The following KLHL22 variants were observed in gnomAD, a reference collection of about 807,000 sequenced individuals.
KLHL22 encodes kelch like family member 22, also known as kelch-like protein 22.
In KLHL22, 18 loss-of-function variants were observed where a neutral mutation model predicts 60.7. The observed-to-expected ratio is 0.30, with a 90% CI of 0.20 to 0.44. The LOEUF (loss-of-function observed/expected upper bound fraction) is 0.44. KLHL22 is among the 20% of genes least tolerant of loss of function. The pLI is 1.00. For synonymous variants in KLHL22, 355 were observed against 354.5 expected, an observed-to-expected ratio of 1.00 and a Z score of -0.01; for missense variants, 596 against 852.3, an observed-to-expected ratio of 0.70 and a Z score of 3.74.
rs1569136357 is a variant in KLHL22, at chr22:20,470,792, ATGGATG to A, written c.393+552_393+557del. 4.9e-5 allele frequency among the ~76,000 whole-genome samples: 7 copies of A among 143,818 alleles called. No homozygotes were observed. In the East Asian group the frequency reaches 5.9e-4, roughly 12 times the overall value. The allele number at this position is 143,818 out of a possible 152,430, so 94.4% of individuals were successfully genotyped here. On this transcript the variant is annotated intron_variant, in intron 3 of 6. Transcript: ENST00000328879. ...CATGCATGGATGGATGGATAGATGG[ATGGATG>A]GATGGATGGATGGATGGATGGATGG...
rs531298402 is a variant in KLHL22, at chr22:20,468,948, G to C, written c.393+2402C>G. ...TGGGATTACAGGCATGAACCTCCAA[G>C]CCTGGCCCAGAAGCCTGATATGTTA... On this transcript the variant is annotated intron_variant, in intron 3 of 6. Transcript: ENST00000328879. Among the ~76,000 whole-genome samples, 6 of 152,272 alleles carry C rather than the reference G, an allele frequency of 3.9e-5. No individual in the cohort carries two copies. In the East Asian group the frequency reaches 9.6e-4, roughly 24 times the overall value.
chr22:20,453,735 T>G (rs2053016841), intron 5 of KLHL22, among the ~76,000 whole-genome samples: 1 of 152,146 alleles, frequency 6.6e-6, no homozygotes, highest in African/African-American at 2.4e-5. Context: ...ATTTTGAAAT[T>G]TATTTTATTA....
chr22:20,493,098 G>T, intron 1 of KLHL22: 2 of 466,282 alleles, frequency 4.3e-6, no homozygotes, highest in Non-Finnish European at 8.9e-6. Context: ...CTCTGAGGGT[G>T]ACCTCCACAA....
Position 20,457,968 on chromosome 22 carries a change from A to G in KLHL22, c.1145T>C (p.Ile382Thr), listed in dbSNP as rs2053090385. Residue 382 changes from isoleucine to threonine, a missense_variant, in exon 5 of 7, where the codon ATC becomes ACC. Ile to Thr is a moderately conservative substitution (Grantham distance 89, BLOSUM62 -1). Coordinates refer to ENST00000328879, the MANE Select transcript of KLHL22 (RefSeq NM_032775.4). ...YDPRHNRWFQ[I>T]QSLQQEHADL... ...GGCGTGCTCCTGCTGCAGGGACTGGATCTGGAACCAGCGGTTGTGCCGTGG... is the reference window on the plus strand; with the variant it reads ...GGCGTGCTCCTGCTGCAGGGACTGGGTCTGGAACCAGCGGTTGTGCCGTGG... The G allele has an allele frequency of 1.9e-6, 3 of 1,614,022 alleles. No homozygotes were observed. Among genetic ancestry groups the G allele is most frequent in the African/African-American group, 2.7e-5 (2 of 74,918 alleles).
chr22:20,454,139 G>A (rs1439651722), intron 5 of KLHL22, among the ~76,000 whole-genome samples: 2 of 152,070 alleles, frequency 1.3e-5, no homozygotes, highest in African/African-American at 4.8e-5. Flanking sequence ...GAACAGCCTG[G>A]GCAATATGGT....
intron 1 of KLHL22, among the ~76,000 whole-genome samples, chr22:20,493,638 C>T (rs187423187): frequency 4.2e-4 from 64 of 151,332 alleles, no homozygotes; most frequent in African/African-American, 1.5e-3. Context: ...AAAAATTAGC[C>T]GGGCATGGTG....
Position 20,446,743 on chromosome 22 carries a change from A to G in KLHL22, c.1306-67T>C, listed in dbSNP as rs2052870492. The G allele has an allele frequency of 2.4e-6, 3 of 1,241,004 alleles. No individual in the cohort carries two copies. In the African/African-American group the frequency reaches 4.4e-5, roughly 18 times the overall value. The allele number at this position is 1,241,004 out of a possible 1,614,324, so 76.9% of individuals were successfully genotyped here. A position where few individuals can be genotyped will look rare whatever the true frequency, so the allele number is the denominator to read the frequency against. On this transcript the variant is annotated intron_variant, in intron 5 of 6. Transcript: ENST00000328879. Reference sequence around the variant, plus strand: ...AGGAAGGGTGGCTGGGTACTCTGTCAAGGCCAATCACCACCCCACACCTGC... The same window carrying G: ...AGGAAGGGTGGCTGGGTACTCTGTCGAGGCCAATCACCACCCCACACCTGC...
chr22:20,447,546 T>TTC (rs2052890189), intron 5 of KLHL22, among the ~76,000 whole-genome samples: 1 of 146,646 alleles, frequency 6.8e-6, no homozygotes, highest in African/African-American at 2.5e-5. Flanking sequence ...AGGTTTTTCT[T>TTC]TTTTTTTTTT....
intron 5 of KLHL22, among the ~76,000 whole-genome samples, chr22:20,447,336 GC>G (rs1422701889): frequency 1.3e-5 from 2 of 152,198 alleles, no homozygotes; most frequent in Admixed American, 1.3e-4. Context: ...CCAAGGCAAG[GC>G]CCTGGGTGTT....
chr22:20,468,445 T>G (rs546384668), intron 3 of KLHL22, among the ~76,000 whole-genome samples: 1 of 152,298 alleles, frequency 6.6e-6, no homozygotes, highest in Non-Finnish European at 1.5e-5. Context: ...GGACTGCATT[T>G]GCTTGGGGTA....
At chr22:20,476,405 ATTTTTTTTT>A (rs57189584) in intron 2 of KLHL22, among the ~76,000 whole-genome samples, 1 of 69,352 alleles carries the variant, frequency 1.4e-5, no homozygotes, top group South Asian at 6.1e-4. Flanking sequence ...ATTGACACAG[ATTTTTTTTT>A]TTTTTTTTTT....
At chr22:20,483,109 C>T (rs2053532197) in intron 2 of KLHL22, 2 of 646,254 alleles carry the variant, frequency 3.1e-6, no homozygotes, top group African/African-American at 1.8e-5. Flanking sequence ...GCTCCATCTA[C>T]AGGGCATAGA....
intron 5 of KLHL22, among the ~76,000 whole-genome samples, chr22:20,448,231 G>A (rs560069497): frequency 1.3e-5 from 2 of 152,186 alleles, no homozygotes; most frequent in East Asian, 1.9e-4. Context: ...TGTACAGGTT[G>A]AGTACCTCCA....
At chr22:20,452,796 G>A (rs2053000577) in intron 5 of KLHL22, among the ~76,000 whole-genome samples, 1 of 152,112 alleles carries the variant, frequency 6.6e-6, no homozygotes, top group African/African-American at 2.4e-5. Flanking sequence ...TATTTATTTG[G>A]GGATGGACTG....
intron 2 of KLHL22, among the ~76,000 whole-genome samples, chr22:20,479,454 C>A (rs2053465551): frequency 6.6e-6 from 1 of 152,078 alleles, no homozygotes; most frequent in African/African-American, 2.4e-5. Context: ...ATAATCCCAG[C>A]ACTTTGGGAG....
chr22:20,492,828 G>A (rs1233298972), intron 1 of KLHL22, among the ~76,000 whole-genome samples: 1 of 152,138 alleles, frequency 6.6e-6, no homozygotes, highest in African/African-American at 2.4e-5. Context: ...CTGACCTCAG[G>A]TGATCCATCT....
intron 2 of KLHL22, among the ~76,000 whole-genome samples, chr22:20,473,810 G>A (rs1312368324): frequency 1.3e-5 from 2 of 152,166 alleles, no homozygotes; most frequent in African/African-American, 4.8e-5. Flanking sequence ...AAGAGGCGGA[G>A]GTTGCAGTGG....
At chr22:20,494,304 C>A (rs746473885) in intron 1 of KLHL22, among the ~76,000 whole-genome samples, 7 of 152,126 alleles carry the variant, frequency 4.6e-5, no homozygotes, top group Non-Finnish European at 8.8e-5. Flanking sequence ...CTCAAGCTCC[C>A]AGGTTCAAGT....
chr22:20,474,053 G>A (rs558113474), intron 2 of KLHL22, among the ~76,000 whole-genome samples: 1 of 152,296 alleles, frequency 6.6e-6, no homozygotes, highest in East Asian at 1.9e-4. Flanking sequence ...GGGCTGGAGT[G>A]CAGTGGTGCG....
Sources: allele counts gnomAD v4.1 joint callset (sites outside exome capture counted in the v4.1 genomes callset), GRCh38; gene constraint gnomAD v4.1.1; transcripts MANE v1.5; gene names NCBI Gene and HGNC (gene_info 2026-07-23, HGNC 2026-07-21).